The following SHROOM3 variants were observed in gnomAD, a reference collection of about 807,000 sequenced individuals.
The protein encoded by SHROOM3 is shroom family member 3, also known as protein Shroom3.
SHROOM3 carries 47 observed loss-of-function variants against 138.6 expected under a neutral mutation model. The ratio of observed to expected loss-of-function variants is 0.34; its 90% CI spans 0.27 to 0.43. The LOEUF is 0.43. Ranked by LOEUF, SHROOM3 falls within the 20% of genes least tolerant of loss-of-function variation. SHROOM3 has a pLI of 1.00. For synonymous variants in SHROOM3, 1,062 were observed against 1,063.3 expected (o/e 1.00, Z 0.02); for missense variants, 2,491 against 2,596.5 (o/e 0.96, Z 0.88).
intron 2 of SHROOM3, among the ~76,000 whole-genome samples, chr4:76,651,860 C>T (rs1224126481): frequency 1.3e-5 from 2 of 152,120 alleles, no homozygotes; most frequent in Non-Finnish European, 2.9e-5. Flanking sequence ...TACAGCAAAT[C>T]GGGGTATTGG....
At chr4:76,756,308 T>C (rs1013894560) in intron 7 of SHROOM3, 141 bp from the exon 8 acceptor site, 12 of 972,152 alleles carry the variant, frequency 1.2e-5, no homozygotes, top group Non-Finnish European at 1.7e-5. Flanking sequence ...GTCAGTAACA[T>C]GTGGAAGATG....
intron 2 of SHROOM3, among the ~76,000 whole-genome samples, chr4:76,560,645 A>T (rs1272131847): frequency 6.6e-6 from 1 of 152,216 alleles, no homozygotes; most frequent in African/African-American, 2.4e-5. Flanking sequence ...TCCTACTCCT[A>T]AATTTGTTGT....
chr4:76,615,628 G>C (rs3733246), intron 2 of SHROOM3, among the ~76,000 whole-genome samples: 56,917 of 151,786 alleles, frequency 0.37, 10,951 homozygotes, highest in East Asian at 0.58. Context: ...GGAAAGGAGT[G>C]GGGGAGGCAC....
chr4:76,686,274 G>A (rs1458789519), intron 2 of SHROOM3, among the ~76,000 whole-genome samples: 1 of 152,014 alleles, frequency 6.6e-6, no homozygotes, highest in African/African-American at 2.4e-5. Context: ...CCAAAGTGCT[G>A]GGATTATAGG....
At chr4:76,615,664 A>G (rs968227991) in intron 2 of SHROOM3, among the ~76,000 whole-genome samples, 2 of 151,938 alleles carry the variant, frequency 1.3e-5, no homozygotes, top group Admixed American at 1.3e-4. Flanking sequence ...TACTTGATCT[A>G]GGAGAGGTGC....
At chr4:76,600,114 T>C (rs1324109890) in intron 2 of SHROOM3, among the ~76,000 whole-genome samples, 2 of 152,310 alleles carry the variant, frequency 1.3e-5, no homozygotes, top group Non-Finnish European at 2.9e-5. Context: ...ATTGTGCCAC[T>C]GTACTCCAGC....
chr4:76,611,980 G>A (rs1734772980), intron 2 of SHROOM3, among the ~76,000 whole-genome samples: 1 of 152,150 alleles, frequency 6.6e-6, no homozygotes, highest in Admixed American at 6.5e-5. Context: ...TTAGAACAAT[G>A]TTTTCATTTT....
At chr4:76,507,582 G>A (rs913105394) in intron 1 of SHROOM3, among the ~76,000 whole-genome samples, 2 of 150,500 alleles carry the variant, frequency 1.3e-5, no homozygotes, top group East Asian at 3.9e-4. Flanking sequence ...TGTTGCCCAG[G>A]CTCGAGTGCA....
intron 1 of SHROOM3, among the ~76,000 whole-genome samples, chr4:76,443,537 A>G (rs1730741254): frequency 6.6e-6 from 1 of 152,216 alleles, no homozygotes; most frequent in Non-Finnish European, 1.5e-5. Context: ...CATCTTATCC[A>G]AAGGGCTGCA....
In SHROOM3 at chr4:76,754,976, C is replaced by T. The variant is rs1047856322; in HGVS notation, c.4493C>T (p.Pro1498Leu). 53 of 1,613,974 alleles carry T rather than the reference C, an allele frequency of 3.3e-5. No homozygotes were observed. Among genetic ancestry groups the T allele is most frequent in the African/African-American group, 4.0e-5 (3 of 74,918 alleles). Residue 1498 changes from proline to leucine, a missense_variant, in exon 7 of 11, where the codon CCG becomes CTG. Pro to Leu is a moderately conservative substitution (Grantham distance 98, BLOSUM62 -3). Coordinates refer to ENST00000296043, the MANE Select transcript of SHROOM3 (RefSeq NM_020859.4). ...RISESVLRDS[P>L]PPHEDYEDEV... is the part of the protein sequence containing the mutation. The stretch of plus-strand genomic sequence containing the variant: ...TCTGAGTCTGTCCTGCGGGACTCCC[C>T]GCCACCTCATGAGGATTATGAAGAC...
chr4:76,710,034 T>C, intron 2 of SHROOM3, 122 bp from the exon 3 acceptor site: 1 of 1,299,380 alleles, frequency 7.7e-7, no homozygotes, highest in South Asian at 1.2e-5. Context: ...TGCACTTAGC[T>C]GTGCTGCTTT....
chr4:76,562,221 G>A (rs1733614449), intron 2 of SHROOM3, among the ~76,000 whole-genome samples: 1 of 152,090 alleles, frequency 6.6e-6, no homozygotes, highest in Non-Finnish European at 1.5e-5. Context: ...CTGCATTAGT[G>A]GCTGCTTCCT....
At chr4:76,477,168 C>T (rs538789233) in intron 1 of SHROOM3, among the ~76,000 whole-genome samples, 16 of 152,108 alleles carry the variant, frequency 1.1e-4, no homozygotes, top group East Asian at 3.9e-4. Context: ...GGGGTTTCAC[C>T]GTGTTAGCCA....
At chr4:76,661,293 C>T (rs1736179219) in intron 2 of SHROOM3, among the ~76,000 whole-genome samples, 1 of 151,724 alleles carries the variant, frequency 6.6e-6, no homozygotes, top group Non-Finnish European at 1.5e-5. Context: ...TGCAATGGCG[C>T]GATCTCGGCT....
At chr4:76,727,171 A>G (rs929655647) in intron 3 of SHROOM3, among the ~76,000 whole-genome samples, 3 of 152,190 alleles carry the variant, frequency 2.0e-5, no homozygotes, top group Admixed American at 2.0e-4. Context: ...TTTTGGGCCC[A>G]CTGGGGTCTA....
chr4:76,583,138 TG>T (rs777716689), intron 2 of SHROOM3, among the ~76,000 whole-genome samples: 3 of 152,194 alleles, frequency 2.0e-5, no homozygotes, highest in Non-Finnish European at 4.4e-5. Context: ...AGGTCTTACC[TG>T]GGCTGGGGGA....
chr4:76,723,733 A>AT (rs1720617420), intron 3 of SHROOM3, among the ~76,000 whole-genome samples: 1 of 152,200 alleles, frequency 6.6e-6, no homozygotes, highest in South Asian at 2.1e-4. Flanking sequence ...CACATTGTTT[A>AT]TTCTGTATTT....
intron 2 of SHROOM3, among the ~76,000 whole-genome samples, chr4:76,620,634 C>G (rs757192767): frequency 2.6e-5 from 4 of 152,004 alleles, no homozygotes; most frequent in Non-Finnish European, 1.5e-5. Context: ...GAGGTGGAGC[C>G]GTTTGGACAA....
chr4:76,756,162 A>G (rs1329398965), intron 7 of SHROOM3, among the ~76,000 whole-genome samples: 4 of 151,690 alleles, frequency 2.6e-5, no homozygotes, highest in African/African-American at 4.8e-5. Flanking sequence ...ATCTCACCCT[A>G]CTCCTATGTA....
Sources: allele counts gnomAD v4.1 joint callset (sites outside exome capture counted in the v4.1 genomes callset), GRCh38; gene constraint gnomAD v4.1.1; transcripts MANE v1.5; gene names NCBI Gene and HGNC (gene_info 2026-07-23, HGNC 2026-07-21).